The following ACSL1 variants were observed in gnomAD, a reference collection of about 807,000 sequenced individuals.
ACSL1 encodes the protein long-chain-fatty-acid--CoA ligase 1.
A neutral mutation model predicts 98.4 loss-of-function variants in ACSL1; 41 were observed. The ratio of observed to expected loss-of-function variants is 0.42; its 90% CI spans 0.32 to 0.54. The LOEUF is 0.54. ACSL1 is among the 20% of genes least tolerant of loss of function. The probability of loss-of-function intolerance (pLI) is 0.13; values close to 1 mark genes in which losing one functional copy is unlikely to be tolerated. For missense variants in ACSL1, 734 were observed against 883.1 expected (o/e 0.83, Z 2.14); for synonymous variants, 316 against 322.7 (o/e 0.98, Z 0.22).
intron 6 of ACSL1, 81 bp from the exon 7 acceptor site, chr4:184,776,743 T>C: frequency 6.6e-7 from 1 of 1,512,572 alleles, no homozygotes; most frequent in Non-Finnish European, 9.0e-7. Context: ...CAAGGATACT[T>C]GAAGTACTAC....
chr4:184,763,123 C>T, intron 16 of ACSL1, 44 bp downstream of exon 16: 1 of 1,600,324 alleles, frequency 6.2e-7, no homozygotes, highest in Non-Finnish European at 8.5e-7. Flanking sequence ...CCAGCGATCA[C>T]AGGAAATGGC....
chr4:184,759,091 T>C (rs1405288464), intron 18 of ACSL1, among the ~76,000 whole-genome samples: 1 of 152,176 alleles, frequency 6.6e-6, no homozygotes, highest in Non-Finnish European at 1.5e-5. Context: ...TCATTTTTTA[T>C]GGCTGCATAG....
chr4:184,765,399 C>T (rs112595827), intron 14 of ACSL1, among the ~76,000 whole-genome samples: 2 of 152,186 alleles, frequency 1.3e-5, no homozygotes, highest in Admixed American at 1.3e-4. Flanking sequence ...CACACATTCC[C>T]CTGCCTAGGG....
At chr4:184,814,728 C>T (rs891887908) in intron 1 of ACSL1, among the ~76,000 whole-genome samples, 13 of 152,260 alleles carry the variant, frequency 8.5e-5, no homozygotes, top group African/African-American at 3.1e-4. Context: ...ACCTGCTCCA[C>T]GAAGGATTTA....
chr4:184,776,854 C>T, intron 6 of ACSL1, 30 bp downstream of exon 6: 1 of 1,606,700 alleles, frequency 6.2e-7, no homozygotes, highest in Non-Finnish European at 8.5e-7. Context: ...ATAACTATGC[C>T]AATAATCCAG....
In ACSL1 at chr4:184,776,685, A is replaced by T. The variant is rs199553619; in HGVS notation, c.578-23T>A. On this transcript the variant is annotated intron_variant, in intron 6 of 20. Transcript: ENST00000281455. ...CAGCTGTAAATGAAGAGATACAATG[A>T]AGAATAAGCTCTGGGATGTTAAAAG... 31 of 1,602,272 alleles carry T rather than the reference A, an allele frequency of 1.9e-5. No individual in the cohort carries two copies. The African/African-American group carries it at 3.7e-4, about 19-fold the overall frequency.
At chr4:184,805,351 C>T (rs1771252385) in intron 1 of ACSL1, 1 of 403,338 alleles carries the variant, frequency 2.5e-6, no homozygotes, top group South Asian at 1.0e-4. Context: ...ATTTGCTCTG[C>T]TCATTCAATC....
At chr4:184,791,715 C>T (rs1768398930) in intron 2 of ACSL1, among the ~76,000 whole-genome samples, 2 of 152,164 alleles carry the variant, frequency 1.3e-5, no homozygotes, top group African/African-American at 4.8e-5. Context: ...AAACCAACTC[C>T]TACAGACCTG....
intron 2 of ACSL1, among the ~76,000 whole-genome samples, chr4:184,789,339 A>G (rs1179669658): frequency 1.3e-5 from 2 of 152,244 alleles, no homozygotes; most frequent in African/African-American, 4.8e-5. Context: ...TTCTCAAGCC[A>G]CTGCCATCCA....
chr4:184,814,754 T>C (rs1429925038), intron 1 of ACSL1, among the ~76,000 whole-genome samples: 1 of 152,166 alleles, frequency 6.6e-6, no homozygotes, highest in Non-Finnish European at 1.5e-5. Context: ...TGACCTGTCC[T>C]CAGAACAGAA....
chr4:184,798,972 C>T (rs1422948955), intron 2 of ACSL1: 1 of 152,280 alleles, frequency 6.6e-6, no homozygotes, highest in African/African-American at 2.4e-5. Context: ...ATAGGTGGAC[C>T]TGAAACCACA....
In ACSL1 at chr4:184,780,324, G is replaced by A. The variant is rs1042000523; in HGVS notation, c.477+8C>T. 41 of 1,610,612 alleles carry A rather than the reference G, an allele frequency of 2.5e-5. No homozygotes were observed. The highest frequency in any genetic ancestry group is 3.4e-5 in the Non-Finnish European group (40 of 1,177,782). On this transcript the variant is annotated splice_region_variant and intron_variant, in intron 5 of 20. Coordinates refer to ENST00000281455, the MANE Select transcript of ACSL1 (RefSeq NM_001995.5). Reference sequence around the variant, plus strand: ...AATCATGCATAGCAAGTACCTACTGGTTCATACCTCAGGTCTATTTTGAGC... The same window carrying A: ...AATCATGCATAGCAAGTACCTACTGATTCATACCTCAGGTCTATTTTGAGC...
At chr4:184,791,623 AG>A (rs1422775873) in intron 2 of ACSL1, among the ~76,000 whole-genome samples, 3 of 152,170 alleles carry the variant, frequency 2.0e-5, no homozygotes, top group Admixed American at 6.5e-5. Context: ...GGAAGTGGTG[AG>A]GATGGGCTAA....
intron 7 of ACSL1, among the ~76,000 whole-genome samples, chr4:184,775,453 TA>T (rs1437098726): frequency 6.6e-6 from 1 of 151,940 alleles, no homozygotes; most frequent in African/African-American, 2.4e-5. Flanking sequence ...TACATTATAG[TA>T]AAAGAGGGTT....
In ACSL1 at chr4:184,764,896, G is replaced by T; in HGVS notation, c.1389C>A (p.Cys463Ter). The T allele has an allele frequency of 6.2e-7, 1 of 1,614,022 alleles. No homozygotes were observed. Among genetic ancestry groups the T allele is most frequent in the Non-Finnish European group, 8.5e-7 (1 of 1,179,952 alleles). Residue 463 changes from cysteine to a stop codon, truncating the protein, a stop_gained, in exon 15 of 21, where the codon TGC (cysteine) becomes TGA (stop). Coordinates refer to ENST00000281455, the MANE Select transcript of ACSL1 (RefSeq NM_001995.5). LOFTEE classifies it high-confidence loss of function. Reference protein sequence around the residue: ...QFYEGYGQTECTAGCCLTMPG... With the variant: ...QFYEGYGQTE ...GCATGGTCAGGCAGCACCCGGCAGT[G>T]CACTCTGTCTGTCCGTATCCTTCAT...
At position 184,776,637 on chromosome 4, in the gene ACSL1, G is replaced by A; in HGVS notation, c.603C>T (p.Asp201=). 1 of 1,611,844 alleles carries A rather than the reference G, an allele frequency of 6.2e-7. No homozygotes were observed. Among genetic ancestry groups the A allele is most frequent in the Non-Finnish European group, 8.5e-7 (1 of 1,179,768 alleles). The change falls in exon 7 of 21, where the codon GAC becomes GAT. Residue 201 remains aspartate (D), a synonymous_variant. Transcript: ENST00000281455. ...NKAELSLVFV[D]KPEKAKLLLE... ...ATAAGAGTTTGGCCTTCTCTGGCTTGTCAACAAAAACCAGAGAGAGTTCAG... is the reference window on the plus strand; with the variant it reads ...ATAAGAGTTTGGCCTTCTCTGGCTTATCAACAAAAACCAGAGAGAGTTCAG...
Position 184,770,541 on chromosome 4 carries a change from C to T in ACSL1, c.916-65G>A, listed in dbSNP as rs116990315. On this transcript the variant is annotated intron_variant, in intron 10 of 20. Coordinates refer to ENST00000281455, the MANE Select transcript of ACSL1 (RefSeq NM_001995.5). ...ACTCCCAGTGAAGGGGAACATCGCA[C>T]ACCAGGGACGGTTGTGGGGTAGGGG... The T allele has an allele frequency of 3.8e-4, 481 of 1,257,160 alleles. 6 individuals carry two copies. In the East Asian group the frequency reaches 9.8e-3, roughly 26 times the overall value. The allele number at this position is 1,257,160 out of a possible 1,614,324, so 77.9% of individuals were successfully genotyped here.
intron 1 of ACSL1, among the ~76,000 whole-genome samples, chr4:184,811,568 C>G (rs1301905202): frequency 6.6e-6 from 1 of 152,118 alleles, no homozygotes; most frequent in Non-Finnish European, 1.5e-5. Flanking sequence ...ACAAATACTA[C>G]ATGATCTCAC....
At chr4:184,804,731 C>T (rs770169656) in intron 1 of ACSL1, among the ~76,000 whole-genome samples, 7 of 152,134 alleles carry the variant, frequency 4.6e-5, no homozygotes, top group East Asian at 1.9e-4. Context: ...CACCTTATCT[C>T]GCAGGGCTTT....
Sources: gnomAD v4.1 joint callset for allele counts (sites outside exome capture counted in the v4.1 genomes callset) on GRCh38, gnomAD v4.1.1 for gene constraint, MANE v1.5 for transcripts, NCBI Gene and HGNC (gene_info 2026-07-23, HGNC 2026-07-21) for gene names.